Variants in KCNH8 observed in about 807,000 individuals in gnomAD.
KCNH8 encodes voltage-gated delayed rectifier potassium channel KCNH8.
Under a neutral mutation model 103.6 loss-of-function variants are expected in KCNH8, and 70 were observed. That is an observed-to-expected ratio of 0.68 (90% CI 0.56 to 0.82). KCNH8 has a LOEUF of 0.82. KCNH8 is among the 40% of genes least tolerant of loss of function. KCNH8 has a pLI of 0.00. For missense variants in KCNH8, 1,217 were observed against 1,329.9 expected (o/e 0.92, Z 1.32); for synonymous variants, 498 against 489.4 (o/e 1.02, Z -0.23).
At chr3:19,476,406 T>A (rs2067977401) in intron 11 of KCNH8, among the ~76,000 whole-genome samples, 1 of 152,148 alleles carries the variant, frequency 6.6e-6, no homozygotes, top group Non-Finnish European at 1.5e-5. Context: ...AGTGAGCATC[T>A]TTCTTAACCG....
intron 3 of KCNH8, among the ~76,000 whole-genome samples, chr3:19,326,250 T>A (rs966586417): frequency 6.6e-6 from 1 of 151,658 alleles, no homozygotes; most frequent in Admixed American, 6.6e-5. Context: ...GCTTAATACC[T>A]GGATGATGAA....
At chr3:19,302,881 C>T (rs907065947) in intron 3 of KCNH8, among the ~76,000 whole-genome samples, 9 of 152,164 alleles carry the variant, frequency 5.9e-5, no homozygotes, top group African/African-American at 1.9e-4. Flanking sequence ...TTTATATATT[C>T]TACCCATCAG....
At chr3:19,422,575 G>A (rs2066966626) in intron 7 of KCNH8, among the ~76,000 whole-genome samples, 1 of 152,026 alleles carries the variant, frequency 6.6e-6, no homozygotes, top group African/African-American at 2.4e-5. Flanking sequence ...GTAGTGGTGG[G>A]GGCTGCAGTT....
intron 11 of KCNH8, among the ~76,000 whole-genome samples, chr3:19,480,588 T>C (rs965132288): frequency 6.6e-6 from 1 of 152,214 alleles, no homozygotes; most frequent in Non-Finnish European, 1.5e-5. Flanking sequence ...CTTATAGAAA[T>C]GTCTTCATTC....
At chr3:19,299,192 AG>A (rs1420991213) in intron 3 of KCNH8, among the ~76,000 whole-genome samples, 1 of 152,222 alleles carries the variant, frequency 6.6e-6, no homozygotes, top group African/African-American at 2.4e-5. Flanking sequence ...GAAAATAAAA[AG>A]AAAAATTTCA....
intron 11 of KCNH8, among the ~76,000 whole-genome samples, chr3:19,467,763 T>C (rs764027725): frequency 4.6e-5 from 7 of 152,242 alleles, no homozygotes; most frequent in Non-Finnish European, 7.3e-5. Flanking sequence ...CTCATTTTGC[T>C]GCTTGAAATA....
chr3:19,400,231 CAAAAAAA>C (rs11422314), intron 7 of KCNH8, among the ~76,000 whole-genome samples: 7 of 53,120 alleles, frequency 1.3e-4, no homozygotes, highest in African/African-American at 4.2e-4. Flanking sequence ...TGTTAGCCAG[CAAAAAAA>C]AAAAAAAAAA....
intron 1 of KCNH8, among the ~76,000 whole-genome samples, chr3:19,182,625 G>A (rs917740228): frequency 4.6e-5 from 7 of 152,196 alleles, no homozygotes; most frequent in African/African-American, 1.4e-4. Context: ...GAAGAAGCAT[G>A]GACTAGCCTC....
intron 3 of KCNH8, among the ~76,000 whole-genome samples, chr3:19,302,215 C>T (rs574825530): frequency 1.3e-5 from 2 of 152,166 alleles, no homozygotes; most frequent in East Asian, 3.9e-4. Context: ...CAGGAGTCAC[C>T]TCATTAGCAT....
At chr3:19,357,246 G>A (rs1431227054) in intron 5 of KCNH8, among the ~76,000 whole-genome samples, 1 of 151,784 alleles carries the variant, frequency 6.6e-6, no homozygotes, top group Non-Finnish European at 1.5e-5. Context: ...AAAAATATTT[G>A]CATCCCCATT....
rs972826598 is a variant in KCNH8 at position 19,182,250 on chromosome 3, CG to C, written c.76+33458del. Among the ~76,000 whole-genome samples the C allele has an allele frequency of 7.2e-5, 11 of 152,124 alleles. 1 individual carries two copies. The highest frequency in any genetic ancestry group is 1.5e-4 in the Non-Finnish European group (10 of 68,020). Reference sequence around the variant, plus strand: ...AATCTTATTAAAGAAGAGGCTTGGCCGGGCGTGGTGGCTCATGCCTGTAATC... The same window carrying C: ...AATCTTATTAAAGAAGAGGCTTGGCCGGCGTGGTGGCTCATGCCTGTAATC... On this transcript the variant is annotated intron_variant, in intron 1 of 15. Coordinates refer to ENST00000328405, the MANE Select transcript of KCNH8 (RefSeq NM_144633.3).
At chr3:19,470,609 A>T (rs1268184154) in intron 11 of KCNH8, among the ~76,000 whole-genome samples, 1 of 152,154 alleles carries the variant, frequency 6.6e-6, no homozygotes, top group Non-Finnish European at 1.5e-5. Flanking sequence ...GGCTTCAAGG[A>T]TGAAGAGAGA....
intron 11 of KCNH8, among the ~76,000 whole-genome samples, chr3:19,506,509 G>T (rs1469375712): frequency 6.6e-6 from 1 of 152,126 alleles, no homozygotes; most frequent in African/African-American, 2.4e-5. Flanking sequence ...GCACTTGCTT[G>T]ACCATGTGGC....
chr3:19,523,893 A>G (rs757974678), intron 15 of KCNH8, among the ~76,000 whole-genome samples: 2 of 151,934 alleles, frequency 1.3e-5, no homozygotes, highest in Non-Finnish European at 2.9e-5. Context: ...AAATACCAGC[A>G]ATGAAAGGCC....
intron 1 of KCNH8, among the ~76,000 whole-genome samples, chr3:19,153,405 T>C (rs1226686747): frequency 8.5e-5 from 13 of 152,124 alleles, no homozygotes. Context: ...TTTTCATTAC[T>C]GTCAGTTCAA....
intron 7 of KCNH8, among the ~76,000 whole-genome samples, chr3:19,413,570 T>G (rs138721991): frequency 2.0e-5 from 3 of 151,946 alleles, no homozygotes; most frequent in African/African-American, 4.8e-5. Flanking sequence ...AACAAGAGAT[T>G]AGAACAGAGA....
intron 5 of KCNH8, among the ~76,000 whole-genome samples, chr3:19,363,438 G>T (rs1219623776): frequency 6.6e-6 from 1 of 152,182 alleles, no homozygotes; most frequent in Non-Finnish European, 1.5e-5. Context: ...CAGTCTAGAA[G>T]CAAGTCATTA....
chr3:19,340,336 AT>A lies in KCNH8; in HGVS notation c.443-2243del, dbSNP rs201890714. On this transcript the variant is annotated intron_variant, in intron 3 of 15. Coordinates refer to ENST00000328405, the MANE Select transcript of KCNH8 (RefSeq NM_144633.3). Reference sequence around the variant, plus strand: ...AATAATTGTGACATAGATTCAATTTATTTTTTTTATTTTTTTTTTAATTTTT... The same window carrying A: ...AATAATTGTGACATAGATTCAATTTATTTTTTTATTTTTTTTTTAATTTTT... Among the ~76,000 whole-genome samples, 938 of 130,102 alleles carry A rather than the reference AT, an allele frequency of 7.2e-3. 6 individuals carry two copies. Among genetic ancestry groups the A allele is most frequent in the African/African-American group, 0.027 (861 of 31,314 alleles). The allele number at this position is 130,102 out of a possible 152,430, so 85.4% of individuals were successfully genotyped here. A position where few individuals can be genotyped will look rare whatever the true frequency, so the allele number is the denominator to read the frequency against.
intron 7 of KCNH8, among the ~76,000 whole-genome samples, chr3:19,432,609 A>G (rs2067139560): frequency 6.6e-6 from 1 of 152,156 alleles, no homozygotes; most frequent in South Asian, 2.1e-4. Context: ...TATTTAGTAA[A>G]CAGTTTCATT....
Sources: allele counts gnomAD v4.1 joint callset (sites outside exome capture counted in the v4.1 genomes callset), GRCh38; gene constraint gnomAD v4.1.1; transcripts MANE v1.5; gene names NCBI Gene and HGNC (gene_info 2026-07-23, HGNC 2026-07-21).